Variants in UCHL5 observed in about 807,000 individuals in gnomAD.
UCHL5 encodes the protein ubiquitin carboxyl-terminal hydrolase isozyme L5.
UCHL5 carries 34 observed loss-of-function variants against 53.8 expected under a neutral mutation model. The observed-to-expected ratio is 0.63, with a 90% CI of 0.48 to 0.84. UCHL5 has a LOEUF of 0.84. UCHL5 is among the 40% of genes least tolerant of loss of function. The pLI is 0.00. For missense variants in UCHL5, 290 were observed against 385.6 expected (o/e 0.75, Z 2.08); for synonymous variants, 111 against 126.3 (o/e 0.88, Z 0.81).
At chr1:193,055,182 C>A (rs1020488989) in intron 1 of UCHL5, among the ~76,000 whole-genome samples, 5 of 152,172 alleles carry the variant, frequency 3.3e-5, no homozygotes, top group Admixed American at 6.6e-5. Context: ...TGCTCTGGAC[C>A]ATCTTTTCAA....
chr1:193,055,036 G>T (rs1670179094), intron 1 of UCHL5, among the ~76,000 whole-genome samples: 1 of 152,170 alleles, frequency 6.6e-6, no homozygotes, highest in Non-Finnish European at 1.5e-5. Context: ...CACCAACCCT[G>T]TCGGTCAGGT....
chr1:193,035,305 CA>C (rs1453813501), intron 3 of UCHL5, among the ~76,000 whole-genome samples: 1 of 151,880 alleles, frequency 6.6e-6, no homozygotes, highest in African/African-American at 2.4e-5. Flanking sequence ...ATCAAACTCT[CA>C]AAGGTTAAAG....
rs1657731842 is a variant in UCHL5 at position 193,023,046 on chromosome 1, G to A, written c.733-10C>T. The A allele has an allele frequency of 6.4e-7, 1 of 1,573,516 alleles. No homozygotes were observed. The highest frequency in any genetic ancestry group is 8.7e-7 in the Non-Finnish European group (1 of 1,146,548). ...CTGTATCCATGGGTTCCTCCTTGGGGGAAGGAAAAGAAATAGCACACCCTA... is the reference window on the plus strand; with the variant it reads ...CTGTATCCATGGGTTCCTCCTTGGGAGAAGGAAAAGAAATAGCACACCCTA... On this transcript the variant is annotated splice_polypyrimidine_tract_variant and intron_variant, in intron 8 of 10. Coordinates refer to ENST00000367454, the MANE Select transcript of UCHL5 (RefSeq NM_001199261.3).
chr1:193,057,360 G>T, intron 1 of UCHL5: 1 of 160,284 alleles, frequency 6.2e-6, no homozygotes, highest in Non-Finnish European at 1.4e-5. Flanking sequence ...AATTTAGCGT[G>T]TTATGGATGT....
chr1:193,046,793 A>G (rs1405226402), intron 3 of UCHL5, among the ~76,000 whole-genome samples: 1 of 150,636 alleles, frequency 6.6e-6, no homozygotes, highest in Non-Finnish European at 1.5e-5. Context: ...ACTAATATTT[A>G]TTATGTGTTG....
chr1:193,059,587 G>C, upstream of UCHL5: 1 of 1,475,020 alleles, frequency 6.8e-7, no homozygotes, highest in Non-Finnish European at 9.1e-7. The surrounding 1 kb of genome is among the most constrained non-coding windows in gnomAD (Gnocchi z 4.9). Context: ...CTGGGGCGGA[G>C]GCGGGGCAAA....
intron 3 of UCHL5, among the ~76,000 whole-genome samples, chr1:193,045,302 T>C (rs1281015472): frequency 6.6e-6 from 1 of 152,216 alleles, no homozygotes; most frequent in African/African-American, 2.4e-5. Flanking sequence ...TCTAAATTTG[T>C]CCCTGCCCAA....
chr1:193,029,098 T>G, intron 6 of UCHL5, 81 bp downstream of exon 6: 3 of 1,514,938 alleles, frequency 2.0e-6, no homozygotes, highest in Non-Finnish European at 2.7e-6. Context: ...CTTGAAAATT[T>G]AAGCAGCACT....
At chr1:193,040,858 G>A (rs1331307946) in intron 3 of UCHL5, among the ~76,000 whole-genome samples, 3 of 152,086 alleles carry the variant, frequency 2.0e-5, no homozygotes, top group African/African-American at 7.2e-5. Context: ...TGGAAATGGA[G>A]GTCATTATGT....
chr1:193,059,806 GC>G, upstream of UCHL5: 2 of 1,356,786 alleles, frequency 1.5e-6, no homozygotes, highest in Non-Finnish European at 2.0e-6. This position sits in a 1 kb window ranked among gnomAD's most constrained non-coding sequence, Gnocchi z 4.9. Context: ...CCGGCTGGGA[GC>G]CTTTTGTGCG....
At position 193,059,164 on chromosome 1, in the gene UCHL5, G is replaced by C. The variant is rs1355397694; in HGVS notation, c.76+21C>G. On this transcript the variant is annotated intron_variant, in intron 1 of 10. Coordinates refer to ENST00000367454, the MANE Select transcript of UCHL5 (RefSeq NM_001199261.3). The surrounding 1 kb of genome is among the most constrained non-coding windows in gnomAD (Gnocchi z 4.9). ...CCTCCTCCCGTGACCCCAGGCCCAG[G>C]ACGGTCCCCTTGGTTCTCACCGAAT... 5 of 1,574,846 alleles carry C rather than the reference G, an allele frequency of 3.2e-6. No individual in the cohort carries two copies. The highest frequency in any genetic ancestry group is 4.3e-6 in the Non-Finnish European group (5 of 1,158,414).
At chr1:193,048,564 C>T (rs928263043) in intron 3 of UCHL5, among the ~76,000 whole-genome samples, 5 of 152,300 alleles carry the variant, frequency 3.3e-5, no homozygotes, top group South Asian at 2.1e-4. Context: ...ACTTTTAAAG[C>T]GTTGACATAC....
chr1:193,044,776 C>T (rs1444184179), intron 3 of UCHL5, among the ~76,000 whole-genome samples: 1 of 152,126 alleles, frequency 6.6e-6, no homozygotes, highest in African/African-American at 2.4e-5. Flanking sequence ...TCAACTATTA[C>T]ATATTGATGT....
At chr1:193,047,084 A>G (rs1025467873) in intron 3 of UCHL5, among the ~76,000 whole-genome samples, 10 of 152,122 alleles carry the variant, frequency 6.6e-5, no homozygotes, top group Non-Finnish European at 1.2e-4. Flanking sequence ...CTTGTTGCAA[A>G]TATTAAATAA....
In UCHL5 at chr1:193,029,666, T is replaced by C. The variant is rs1278741614; in HGVS notation, c.247-9A>G. ...CAAGCATTATTAATTACCTATAAAA[T>C]ATAAAAGTGAAGATATCAATGTGTT... On this transcript the variant is annotated splice_polypyrimidine_tract_variant and intron_variant, in intron 3 of 10. Coordinates refer to ENST00000367454, the MANE Select transcript of UCHL5 (RefSeq NM_001199261.3). 3.2e-6 allele frequency: 5 copies of C among 1,577,880 alleles called. No homozygotes were observed. Among genetic ancestry groups the C allele is most frequent in the African/African-American group, 2.7e-5 (2 of 72,796 alleles).
At position 193,059,286 on chromosome 1, in the gene UCHL5, C is replaced by A. The variant is rs749519191; in HGVS notation, c.-26G>T. ...GGCCCTGGCCACACACCGCCCCGATCCACCTCTCGCTCTCAGCTGCCCCCC... is the reference window on the plus strand; with the variant it reads ...GGCCCTGGCCACACACCGCCCCGATACACCTCTCGCTCTCAGCTGCCCCCC... On this transcript the variant is annotated 5_prime_UTR_variant, in exon 1 of 11. Transcript: ENST00000367454. The surrounding 1 kb of genome is among the most constrained non-coding windows in gnomAD (Gnocchi z 4.9). 3 of 1,613,106 alleles carry A rather than the reference C, an allele frequency of 1.9e-6. No homozygotes were observed. In the East Asian group the frequency reaches 6.7e-5, roughly 36 times the overall value.
chr1:193,025,226 A>G (rs1341540071), intron 7 of UCHL5, among the ~76,000 whole-genome samples: 1 of 152,234 alleles, frequency 6.6e-6, no homozygotes, highest in Non-Finnish European at 1.5e-5. Context: ...CTTTTAGACA[A>G]TAATCATTCC....
At chr1:193,057,553 T>G (rs1671026281) in intron 1 of UCHL5, 1 of 152,248 alleles carries the variant, frequency 6.6e-6, no homozygotes, top group Admixed American at 6.5e-5. Flanking sequence ...CCCTGCACAC[T>G]TAAAAGCACA....
intron 3 of UCHL5, among the ~76,000 whole-genome samples, chr1:193,043,285 T>C (rs2102717695): frequency 1.3e-5 from 2 of 152,104 alleles, no homozygotes; most frequent in African/African-American, 4.8e-5. Context: ...ACATCTCCCC[T>C]TTGCTCTGCA....
Sources: allele counts gnomAD v4.1 joint callset (sites outside exome capture counted in the v4.1 genomes callset), GRCh38; gene constraint gnomAD v4.1.1; non-coding constraint Gnocchi (gnomAD v3.1); transcripts MANE v1.5; gene names NCBI Gene and HGNC (gene_info 2026-07-23, HGNC 2026-07-21).